Variants in TRAK1 observed in about 807,000 individuals in gnomAD.
TRAK1 encodes the protein trafficking kinesin-binding protein 1.
A neutral mutation model predicts 92.1 loss-of-function variants in TRAK1; 33 were observed. That is an observed-to-expected ratio of 0.36 (90% CI 0.27 to 0.48). The LOEUF (loss-of-function observed/expected upper bound fraction) is 0.48. TRAK1 is among the 20% of genes least tolerant of loss of function. TRAK1 has a pLI of 0.99. For synonymous variants in TRAK1, 521 were observed against 517.3 expected, an observed-to-expected ratio of 1.01 and a Z score of -0.10; for missense variants, 1,123 against 1,257.9, an observed-to-expected ratio of 0.89 and a Z score of 1.62.
At chr3:42,121,860 C>G (rs1184632707) in intron 1 of TRAK1, among the ~76,000 whole-genome samples, 1 of 152,128 alleles carries the variant, frequency 6.6e-6, no homozygotes, top group Non-Finnish European at 1.5e-5. Context: ...CTCTGTCGCC[C>G]AGGCTGGAGT....
chr3:42,033,140 C>T (rs887925603), intron 1 of TRAK1, among the ~76,000 whole-genome samples: 1 of 152,162 alleles, frequency 6.6e-6, no homozygotes, highest in Non-Finnish European at 1.5e-5. Context: ...CCCATCTCAG[C>T]CAGTACAGTA....
chr3:42,116,912 G>A (rs1709235525), intron 1 of TRAK1, among the ~76,000 whole-genome samples: 1 of 152,190 alleles, frequency 6.6e-6, no homozygotes, highest in South Asian at 2.1e-4. Flanking sequence ...GTGGTCTGTA[G>A]CATTCTCTGA....
chr3:42,095,202 T>C (rs762344910), intron 1 of TRAK1, among the ~76,000 whole-genome samples: 2 of 152,182 alleles, frequency 1.3e-5, no homozygotes, highest in African/African-American at 2.4e-5. Flanking sequence ...GCCTGGCAGG[T>C]TTCCAAGTGT....
chr3:42,095,349 A>G (rs571330644), intron 1 of TRAK1, among the ~76,000 whole-genome samples: 1 of 152,120 alleles, frequency 6.6e-6, no homozygotes, highest in Non-Finnish European at 1.5e-5. Context: ...ACCCGGCAGC[A>G]TTGTTTTCTG....
At chr3:42,154,472 CTTATTTAT>C (rs534238998) in intron 2 of TRAK1, among the ~76,000 whole-genome samples, 1 of 150,420 alleles carries the variant, frequency 6.6e-6, no homozygotes, top group Non-Finnish European at 1.5e-5. Context: ...TGCACCCAGC[CTTATTTAT>C]TTATTTATTT....
intron 1 of TRAK1, among the ~76,000 whole-genome samples, chr3:42,093,112 G>A (rs896738919): frequency 1.3e-5 from 2 of 152,106 alleles, no homozygotes; most frequent in African/African-American, 4.8e-5. Flanking sequence ...GAAAAGAATG[G>A]ACAGTGAAAT....
intron 1 of TRAK1, among the ~76,000 whole-genome samples, chr3:42,114,287 G>GT (rs1397484847): frequency 2.6e-5 from 4 of 152,184 alleles, no homozygotes; most frequent in Non-Finnish European, 5.9e-5. Context: ...ATAAATATCT[G>GT]TTTGAGTTCC....
chr3:42,177,540 C>G (rs1313991198), intron 3 of TRAK1, among the ~76,000 whole-genome samples: 1 of 152,158 alleles, frequency 6.6e-6, no homozygotes. Context: ...ATGCACTGCC[C>G]CCTTCACTGA....
intron 2 of TRAK1, among the ~76,000 whole-genome samples, chr3:42,134,215 CCTCCT>C (rs759123490): frequency 0.49 from 62,524 of 126,498 alleles, 15,387 homozygotes; most frequent in South Asian, 0.63. Flanking sequence ...TCCCCCCTCC[CCTCCT>C]CTCCTCTCCC....
chr3:42,116,106 G>A (rs1368741409), intron 1 of TRAK1, among the ~76,000 whole-genome samples: 1 of 152,232 alleles, frequency 6.6e-6, no homozygotes, highest in East Asian at 1.9e-4. Context: ...GCAGGGTTCC[G>A]GGTGCTGGGC....
At chr3:42,186,946 A>G (rs540222127) in intron 4 of TRAK1, among the ~76,000 whole-genome samples, 1 of 152,246 alleles carries the variant, frequency 6.6e-6, no homozygotes, top group Non-Finnish European at 1.5e-5. Context: ...AATTATAAAC[A>G]AGAAAGAGTT....
At chr3:42,100,495 T>A (rs1706596105) in intron 1 of TRAK1, among the ~76,000 whole-genome samples, 2 of 152,228 alleles carry the variant, frequency 1.3e-5, no homozygotes, top group Non-Finnish European at 2.9e-5. Flanking sequence ...CCATCCACTC[T>A]GTTTACTGGA....
chr3:42,053,581 C>G (rs1309221177), intron 1 of TRAK1, among the ~76,000 whole-genome samples: 1 of 151,958 alleles, frequency 6.6e-6, no homozygotes, highest in Admixed American at 6.6e-5. Context: ...CCACTGCCTC[C>G]TCACCCCGCC....
intron 3 of TRAK1, among the ~76,000 whole-genome samples, chr3:42,183,553 T>TAAAAAAAAAAAAAAAAAAAAAAAAAA (rs11293523): frequency 6.8e-5 from 8 of 117,348 alleles, no homozygotes; most frequent in African/African-American, 2.6e-4. Context: ...AGACTCTGTC[T>TAAAAAAAAAAAAAAAAAAAAAAAAAA]AAAAAAAAAA....
At chr3:42,074,416 C>T (rs866103012) in intron 1 of TRAK1, among the ~76,000 whole-genome samples, 3 of 152,078 alleles carry the variant, frequency 2.0e-5, no homozygotes, top group Admixed American at 6.6e-5. Flanking sequence ...TGTAAAATGG[C>T]AAGAAAAAGA....
At chr3:42,166,902 T>G (rs1459494560) in intron 2 of TRAK1, among the ~76,000 whole-genome samples, 2 of 152,224 alleles carry the variant, frequency 1.3e-5, no homozygotes, top group East Asian at 3.8e-4. Flanking sequence ...CAGACCATTG[T>G]TCGTACGGCT....
chr3:42,203,436 T>A, intron 13 of TRAK1: 1 of 984,918 alleles, frequency 1.0e-6, no homozygotes, highest in Non-Finnish European at 1.2e-6. Context: ...GCATCTCAGA[T>A]GATTAAACTC....
chr3:42,188,146 G>A lies in TRAK1; in HGVS notation c.581+1G>A, dbSNP rs1705168871. 2.5e-6 allele frequency: 4 copies of A among 1,613,866 alleles called. No individual in the cohort carries two copies. Among genetic ancestry groups the A allele is most frequent in the African/African-American group, 1.3e-5 (1 of 74,894 alleles). ...AGCCCGAGTCCGTTTGCTCAACCCC[G>A]TAAGTCACCAGAGGGCTGTATTTCT... On this transcript the variant is annotated splice_donor_variant, in intron 5 of 15. Coordinates refer to ENST00000327628, the MANE Select transcript of TRAK1 (RefSeq NM_001042646.3). LOFTEE classifies it high-confidence loss of function.
At chr3:42,046,215 A>T (rs1049740065) in intron 1 of TRAK1, among the ~76,000 whole-genome samples, 1 of 152,118 alleles carries the variant, frequency 6.6e-6, no homozygotes, top group East Asian at 1.9e-4. Flanking sequence ...GAAACTTAAC[A>T]TGGGTAGCAG....
Sources: gnomAD v4.1 joint callset for allele counts (sites outside exome capture counted in the v4.1 genomes callset) on GRCh38, gnomAD v4.1.1 for gene constraint, MANE v1.5 for transcripts, NCBI Gene and HGNC (gene_info 2026-07-23, HGNC 2026-07-21) for gene names.